WDPCP: variants seen among roughly 807,000 people sequenced by gnomAD.
WDPCP encodes the protein WD repeat containing planar cell polarity effector.
In WDPCP, 71 loss-of-function variants were observed where a neutral mutation model predicts 93.1. The observed-to-expected ratio is 0.76, with a 90% CI of 0.63 to 0.93. The LOEUF (loss-of-function observed/expected upper bound fraction) is 0.93, where lower values mean the gene tolerates loss of function less well. Ranked by LOEUF, WDPCP falls within the 40% of genes least tolerant of loss-of-function variation. WDPCP has a pLI of 0.00. For synonymous variants in WDPCP, 315 were observed against 315.0 expected (o/e 1.00, Z 0.00); for missense variants, 844 against 887.4 (o/e 0.95, Z 0.62).
chr2:63,612,729 T>A (rs1394143627), intron 3 of WDPCP, among the ~76,000 whole-genome samples: 1 of 152,144 alleles, frequency 6.6e-6, no homozygotes, highest in African/African-American at 2.4e-5. Flanking sequence ...CTAACCATCG[T>A]TTTCAGTTAC....
chr2:63,575,514 A>ATGCAG (rs1708026181), intron 1 of WDPCP, among the ~76,000 whole-genome samples: 1 of 96,104 alleles, frequency 1.0e-5, no homozygotes, highest in African/African-American at 4.6e-5. Context: ...TACACTGTAT[A>ATGCAG]TATAGTATAT....
chr2:63,276,803 T>C (rs2104902005), intron 13 of WDPCP, among the ~76,000 whole-genome samples: 1 of 152,262 alleles, frequency 6.6e-6, no homozygotes, highest in Non-Finnish European at 1.5e-5. Flanking sequence ...GAAAACATAT[T>C]TGAGGGAATA....
At chr2:63,548,898 T>C (rs866088437) in intron 1 of WDPCP, among the ~76,000 whole-genome samples, 1 of 151,934 alleles carries the variant, frequency 6.6e-6, no homozygotes, top group Non-Finnish European at 1.5e-5. Flanking sequence ...CAACCATGGG[T>C]GAAAGAAACA....
chr2:63,361,127 C>T (rs943249910), intron 12 of WDPCP, among the ~76,000 whole-genome samples: 2 of 152,072 alleles, frequency 1.3e-5, no homozygotes, highest in African/African-American at 4.8e-5. Flanking sequence ...TTCATAGTGA[C>T]CTTAATCACC....
chr2:63,378,964 G>A (rs1275795571), intron 11 of WDPCP, among the ~76,000 whole-genome samples: 2 of 152,068 alleles, frequency 1.3e-5, no homozygotes, highest in Non-Finnish European at 1.5e-5. Context: ...AGGCATATTG[G>A]AGTAGAAATA....
intron 13 of WDPCP, among the ~76,000 whole-genome samples, chr2:63,276,068 T>C (rs1025158257): frequency 6.6e-6 from 1 of 152,132 alleles, no homozygotes; most frequent in Non-Finnish European, 1.5e-5. Flanking sequence ...TTTGCAGACA[T>C]TCCCCACTAC....
chr2:63,828,231 A>G (rs1671141586), upstream of WDPCP, among the ~76,000 whole-genome samples: 1 of 151,712 alleles, frequency 6.6e-6, no homozygotes, highest in African/African-American at 2.4e-5. Flanking sequence ...TCCCAACTCA[A>G]AGTTTTTGCA....
chr2:63,735,249 C>G (rs1398997417), intron 2 of WDPCP, among the ~76,000 whole-genome samples: 1 of 151,972 alleles, frequency 6.6e-6, no homozygotes, highest in Non-Finnish European at 1.5e-5. Flanking sequence ...AATTATAGGT[C>G]CCTTGCAGTT....
the WDPCP span, among the ~76,000 whole-genome samples, chr2:63,835,638 T>A: frequency 6.6e-6 from 1 of 151,174 alleles, no homozygotes. Flanking sequence ...AAAAAAAAAA[T>A]TAAATAAAAA....
At chr2:63,296,313 C>A (rs1684852002) in intron 13 of WDPCP, among the ~76,000 whole-genome samples, 2 of 151,848 alleles carry the variant, frequency 1.3e-5, no homozygotes, top group African/African-American at 4.8e-5. Context: ...AAACGGCCAT[C>A]TATGACAAGC....
chr2:63,759,949 C>T (rs946066230), intron 2 of WDPCP, among the ~76,000 whole-genome samples: 5 of 152,146 alleles, frequency 3.3e-5, no homozygotes, highest in Non-Finnish European at 7.3e-5. Context: ...AAGCCTACAC[C>T]CAGGGGGTGA....
intron 6 of WDPCP, among the ~76,000 whole-genome samples, chr2:63,469,512 C>A (rs77665583): frequency 2.6e-5 from 4 of 152,316 alleles, no homozygotes; most frequent in African/African-American, 7.2e-5. Context: ...GAATACTATG[C>A]AGCCATAAAA....
In WDPCP at chr2:63,404,302, A is replaced by G. The variant is rs758359220; in HGVS notation, c.1181T>C (p.Val394Ala). ...TTGCAACTCCCCTTGGTTGCTGCCA[A>G]CTAGCAGAATGGCACCACTTGGGTG... is the stretch of plus-strand genomic sequence containing the variant. ...SCHPSGAILL[V>A]GSNQGELQIF... The change falls in exon 10 of 18, where the codon GTT (valine) becomes GCT (alanine). Residue 394 changes from valine to alanine, a missense_variant. Physicochemically the swap from Val to Ala is moderately conservative, Grantham distance 64. Coordinates refer to ENST00000272321, the MANE Select transcript of WDPCP (RefSeq NM_015910.7). The G allele has an allele frequency of 8.7e-6, 14 of 1,614,036 alleles. No homozygotes were observed. Among genetic ancestry groups the G allele is most frequent in the African/African-American group, 8.0e-5 (6 of 74,932 alleles).
chr2:63,606,540 A>G (rs1050227214), intron 3 of WDPCP, among the ~76,000 whole-genome samples: 4 of 152,218 alleles, frequency 2.6e-5, no homozygotes, highest in Non-Finnish European at 4.4e-5. Flanking sequence ...CCCACTAGAC[A>G]CTATGTTATT....
chr2:63,609,137 C>T (rs892997728), intron 3 of WDPCP, among the ~76,000 whole-genome samples: 3 of 152,014 alleles, frequency 2.0e-5, no homozygotes, highest in South Asian at 2.1e-4. Context: ...GAGGCCGAGG[C>T]GGGCAGATCA....
intron 1 of WDPCP, among the ~76,000 whole-genome samples, chr2:63,511,500 C>T (rs1702230151): frequency 6.6e-6 from 1 of 152,168 alleles, no homozygotes; most frequent in African/African-American, 2.4e-5. Flanking sequence ...TCAAACTATA[C>T]TACAAGGCTG....
chr2:63,581,502 C>G (rs1049244756), intron 1 of WDPCP, among the ~76,000 whole-genome samples: 5 of 152,130 alleles, frequency 3.3e-5, no homozygotes, highest in African/African-American at 1.2e-4. Context: ...ACCAGCCCGA[C>G]AGAAAAACTT....
At chr2:63,482,265 GA>G (rs1700309666) in intron 6 of WDPCP, among the ~76,000 whole-genome samples, 1 of 151,968 alleles carries the variant, frequency 6.6e-6, no homozygotes, top group Non-Finnish European at 1.5e-5. Flanking sequence ...GGGAGAAAAT[GA>G]CGTACATTAG....
At chr2:63,132,677 C>A (rs1271189246) in intron 17 of WDPCP, among the ~76,000 whole-genome samples, 1 of 151,522 alleles carries the variant, frequency 6.6e-6, no homozygotes, top group Non-Finnish European at 1.5e-5. Context: ...TTTTCATTTC[C>A]AGAATTTCTG....
Sources: gnomAD v4.1 joint callset for allele counts (sites outside exome capture counted in the v4.1 genomes callset) on GRCh38, gnomAD v4.1.1 for gene constraint, MANE v1.5 for transcripts, NCBI Gene and HGNC (gene_info 2026-07-23, HGNC 2026-07-21) for gene names.